PCCA: variants seen among roughly 807,000 people sequenced by gnomAD.
PCCA encodes the protein propionyl-CoA carboxylase alpha chain, mitochondrial.
PCCA carries 74 observed loss-of-function variants against 101.3 expected under a neutral mutation model. That is an observed-to-expected ratio of 0.73 (90% CI 0.61 to 0.89). The LOEUF (loss-of-function observed/expected upper bound fraction) is 0.89, where lower values mean the gene tolerates loss of function less well. Among genes scored for constraint, PCCA ranks in the 40% least tolerant of loss-of-function variants. The probability of loss-of-function intolerance (pLI) is 0.00; values close to 1 mark genes in which losing one functional copy is unlikely to be tolerated. For synonymous variants in PCCA, 294 were observed against 313.6 expected, an observed-to-expected ratio of 0.94 and a Z score of 0.66; for missense variants, 891 against 907.0, an observed-to-expected ratio of 0.98 and a Z score of 0.23.
At chr13:100,285,823 T>C (rs998012261) in intron 12 of PCCA, among the ~76,000 whole-genome samples, 4 of 152,202 alleles carry the variant, frequency 2.6e-5, no homozygotes, top group African/African-American at 9.7e-5. Flanking sequence ...TTAACCTATA[T>C]ACTGATGGAA....
At chr13:100,128,503 C>T (rs534920422) in intron 4 of PCCA, among the ~76,000 whole-genome samples, 40 of 152,204 alleles carry the variant, frequency 2.6e-4, no homozygotes, top group African/African-American at 9.1e-4. Context: ...AATCATGGTT[C>T]CCTTCAGTAA....
At chr13:100,348,778 TTCTTTC>T (rs1566976489) in intron 18 of PCCA, among the ~76,000 whole-genome samples, 2 of 89,984 alleles carry the variant, frequency 2.2e-5, no homozygotes, top group African/African-American at 9.3e-5. Context: ...CTTTCTTTCT[TTCTTTC>T]TTTCTTCCTT....
At chr13:100,411,409 C>G (rs961955869) in intron 19 of PCCA, among the ~76,000 whole-genome samples, 2 of 151,884 alleles carry the variant, frequency 1.3e-5, no homozygotes, top group African/African-American at 4.8e-5. Context: ...TTAATAGAGA[C>G]AGGGTTTTGC....
rs201677268 is a variant in PCCA at position 100,348,910 on chromosome 13, C to CTTTCTTTTCT, written c.1643+8669_1643+8678dup. The stretch of plus-strand genomic sequence containing the variant: ...CTTTCTTTCCTTCCTTCCTTCCTTC[C>CTTTCTTTTCT]TTTCTTTTCTTTTCTTTTCTTTTCT... On this transcript the variant is annotated intron_variant, in intron 18 of 23. Coordinates refer to ENST00000376285, the MANE Select transcript of PCCA (RefSeq NM_000282.4). Among the ~76,000 whole-genome samples the CTTTCTTTTCT allele has an allele frequency of 7.9e-3, 408 of 51,526 alleles. 8 individuals are homozygous for CTTTCTTTTCT. The highest frequency in any genetic ancestry group is 0.029 in the Middle Eastern group (2 of 68). 33.8% of individuals were successfully genotyped at this position (51,526 alleles called of 152,430 possible). A position where few individuals can be genotyped will look rare whatever the true frequency, so the allele number is the denominator to read the frequency against.
chr13:100,110,082 G>A (rs2048169456), intron 2 of PCCA, among the ~76,000 whole-genome samples: 1 of 152,138 alleles, frequency 6.6e-6, no homozygotes, highest in Non-Finnish European at 1.5e-5. Flanking sequence ...ACTGTGAGCT[G>A]AGATCGTACC....
chr13:100,275,507 C>G (rs923739645), intron 12 of PCCA, among the ~76,000 whole-genome samples: 12 of 152,184 alleles, frequency 7.9e-5, no homozygotes, highest in African/African-American at 2.9e-4. Context: ...TGTTTGAAGA[C>G]AGTTCACGTG....
chr13:100,512,588 G>A (rs935125751), intron 21 of PCCA, among the ~76,000 whole-genome samples: 7 of 152,096 alleles, frequency 4.6e-5, no homozygotes, highest in African/African-American at 9.7e-5. Context: ...GTCATCTTCC[G>A]GCTCCATGGC....
chr13:100,467,578 G>T (rs897569655), intron 21 of PCCA, among the ~76,000 whole-genome samples: 1 of 152,170 alleles, frequency 6.6e-6, no homozygotes, highest in African/African-American at 2.4e-5. Flanking sequence ...CACCCTGTTA[G>T]CCAGGATCGT....
intron 21 of PCCA, among the ~76,000 whole-genome samples, chr13:100,467,990 A>G (rs930196610): frequency 6.6e-6 from 1 of 152,158 alleles, no homozygotes; most frequent in African/African-American, 2.4e-5. Flanking sequence ...TAAAAGCTGA[A>G]ACGACTGCTT....
chr13:100,342,937 G>A (rs528769166), intron 18 of PCCA, among the ~76,000 whole-genome samples: 1 of 152,094 alleles, frequency 6.6e-6, no homozygotes, highest in African/African-American at 2.4e-5. Context: ...GTCCAGGCTA[G>A]TCTCGAACTC....
At chr13:100,176,932 G>GTTTTTGGT (rs1211026280) in intron 6 of PCCA, among the ~76,000 whole-genome samples, 1 of 152,142 alleles carries the variant, frequency 6.6e-6, no homozygotes, top group Non-Finnish European at 1.5e-5. Flanking sequence ...ACTTGAAACT[G>GTTTTTGGT]TTGTTTTTGG....
Position 100,517,511 on chromosome 13 carries a change from A to G in PCCA, c.2040+1944A>G, listed in dbSNP as rs183668314. Among the ~76,000 whole-genome samples the G allele has an allele frequency of 1.2e-4, 19 of 152,332 alleles. No homozygotes were observed. In the East Asian group the frequency reaches 3.7e-3, roughly 29 times the overall value. On this transcript the variant is annotated intron_variant, in intron 22 of 23. Coordinates refer to ENST00000376285, the MANE Select transcript of PCCA (RefSeq NM_000282.4). ...AATAATTAAATGTGTGTACTCATTA[A>G]GAATGGTTTGAGAACTGTTAAAAAT... is the stretch of plus-strand genomic sequence containing the variant.
At chr13:100,316,590 T>C (rs1159698986) in intron 16 of PCCA, among the ~76,000 whole-genome samples, 1 of 152,116 alleles carries the variant, frequency 6.6e-6, no homozygotes. Flanking sequence ...AAATAATCTC[T>C]TTTTTTGTTC....
intron 16 of PCCA, among the ~76,000 whole-genome samples, chr13:100,328,122 C>T (rs1265636633): frequency 6.6e-6 from 1 of 151,904 alleles, no homozygotes; most frequent in South Asian, 2.1e-4. Context: ...CCTAGCACTT[C>T]GGGAGGCCGA....
At chr13:100,096,445 G>T (rs1170746983) in intron 1 of PCCA, among the ~76,000 whole-genome samples, 1 of 152,078 alleles carries the variant, frequency 6.6e-6, no homozygotes, top group Non-Finnish European at 1.5e-5. Context: ...CTCTCCTCAG[G>T]CTTCCCTAAT....
At chr13:100,137,861 G>T (rs1008859098) in intron 4 of PCCA, among the ~76,000 whole-genome samples, 1 of 150,258 alleles carries the variant, frequency 6.7e-6, no homozygotes, top group Non-Finnish European at 1.5e-5. Flanking sequence ...CCAGGCTGGA[G>T]TGCAGTGGCG....
At chr13:100,362,321 A>G (rs1200006827) in intron 18 of PCCA, among the ~76,000 whole-genome samples, 1 of 152,224 alleles carries the variant, frequency 6.6e-6, no homozygotes. Context: ...TGCTGAAACA[A>G]AAGAGAGGGA....
At chr13:100,118,592 C>T (rs544384495) in intron 4 of PCCA, among the ~76,000 whole-genome samples, 4 of 151,974 alleles carry the variant, frequency 2.6e-5, no homozygotes, top group Admixed American at 1.3e-4. Flanking sequence ...CTCAGTTGCC[C>T]GGGCTGGAGT....
At chr13:100,172,031 C>CAAA (rs3034651) in intron 6 of PCCA, among the ~76,000 whole-genome samples, 4 of 100,806 alleles carry the variant, frequency 4.0e-5, no homozygotes, top group South Asian at 3.4e-4. Context: ...GACTCTGTCT[C>CAAA]AAAAAAAAAA....
Sources: allele counts gnomAD v4.1 joint callset (sites outside exome capture counted in the v4.1 genomes callset), GRCh38; gene constraint gnomAD v4.1.1; transcripts MANE v1.5; gene names NCBI Gene and HGNC (gene_info 2026-07-23, HGNC 2026-07-21).